EPB41L3: variants seen among roughly 807,000 people sequenced by gnomAD.
EPB41L3 encodes the protein band 4.1-like protein 3.
A neutral mutation model predicts 127.1 loss-of-function variants in EPB41L3; 57 were observed. The ratio of observed to expected loss-of-function variants is 0.45; its 90% CI spans 0.36 to 0.56. The LOEUF (loss-of-function observed/expected upper bound fraction) is 0.56. EPB41L3 is among the 20% of genes least tolerant of loss of function. The pLI, the probability that EPB41L3 is intolerant of heterozygous loss-of-function variation, is 0.00. For synonymous variants in EPB41L3, 572 were observed against 549.5 expected (o/e 1.04, Z -0.57); for missense variants, 1,273 against 1,372.2 (o/e 0.93, Z 1.14).
chr18:5,411,096 C>T lies in EPB41L3; in HGVS notation c.2068-477G>A, dbSNP rs566046572. ...GTAACAGTCACTGGACTTTCAGCCTCTCATTTATACCATTATGATAATTTA... is the reference window on the plus strand; with the variant it reads ...GTAACAGTCACTGGACTTTCAGCCTTTCATTTATACCATTATGATAATTTA... On this transcript the variant is annotated intron_variant, in intron 13 of 22. Coordinates refer to ENST00000341928, the MANE Select transcript of EPB41L3 (RefSeq NM_012307.5). Among the ~76,000 whole-genome samples the T allele has an allele frequency of 1.3e-4, 20 of 152,336 alleles. No homozygotes were observed. In the South Asian group the frequency reaches 3.9e-3, roughly 30 times the overall value.
intron 3 of EPB41L3, among the ~76,000 whole-genome samples, chr18:5,551,788 T>C (rs1006355899): frequency 6.6e-6 from 1 of 152,204 alleles, no homozygotes; most frequent in Non-Finnish European, 1.5e-5. Context: ...TGTGGACTTA[T>C]ACAATTCTCT....
intron 2 of EPB41L3, among the ~76,000 whole-genome samples, chr18:5,484,112 A>AAAAAAAAAAAAAAAAAAAAAAAAC (rs1568375677): frequency 7.2e-6 from 1 of 138,446 alleles, no homozygotes; most frequent in Non-Finnish European, 1.5e-5. Context: ...AAAAAAAAAA[A>AAAAAAAAAAAAAAAAAAAAAAAAC]AAAAAAAAAC....
In EPB41L3 at chr18:5,585,694, A is replaced by G. The variant is rs577284176; in HGVS notation, c.-306+26646T>C. Among the ~76,000 whole-genome samples, 5 of 152,296 alleles carry G rather than the reference A, an allele frequency of 3.3e-5. 1 individual carries two copies. The Middle Eastern group carries it at 0.01, about 311-fold the overall frequency. The stretch of plus-strand genomic sequence containing the variant: ...GATCTATCTCCTACCTTTCTTTGCT[A>G]GGCACTGTGCTATGGAGTTAGGGGG... On this transcript the variant is annotated intron_variant, in intron 3 of 21. Transcript: ENST00000545076.
intron 3 of EPB41L3, among the ~76,000 whole-genome samples, chr18:5,457,998 T>C (rs1034279862): frequency 2.0e-5 from 3 of 152,204 alleles, no homozygotes; most frequent in African/African-American, 7.2e-5. Context: ...CTCACCACTG[T>C]ATTCTTACAG....
chr18:5,411,406 A>G (rs2076178389), intron 13 of EPB41L3, among the ~76,000 whole-genome samples: 1 of 152,234 alleles, frequency 6.6e-6, no homozygotes, highest in African/African-American at 2.4e-5. Context: ...AGAAAGAGAA[A>G]GAGAGAAACA....
chr18:5,604,651 A>G (rs2094629079), intron 3 of EPB41L3, among the ~76,000 whole-genome samples: 2 of 152,060 alleles, frequency 1.3e-5, no homozygotes, highest in South Asian at 4.1e-4. Context: ...AAGGGGTTTC[A>G]CCATGTTGGC....
intron 13 of EPB41L3, among the ~76,000 whole-genome samples, chr18:5,412,369 G>A (rs1430809424): frequency 1.3e-5 from 2 of 151,996 alleles, no homozygotes; most frequent in African/African-American, 2.4e-5. Flanking sequence ...GGGACTATAG[G>A]TGCATGCCAC....
intron 3 of EPB41L3, among the ~76,000 whole-genome samples, chr18:5,552,488 G>A (rs1446915014): frequency 1.3e-5 from 2 of 152,158 alleles, no homozygotes; most frequent in Admixed American, 6.5e-5. Flanking sequence ...ACTTTTTGAT[G>A]AAACAGATAA....
intron 8 of EPB41L3, among the ~76,000 whole-genome samples, chr18:5,432,796 C>T (rs1045620497): frequency 6.6e-6 from 1 of 152,188 alleles, no homozygotes; most frequent in Non-Finnish European, 1.5e-5. Context: ...AACATTTCAT[C>T]GATCACCAGT....
chr18:5,563,471 T>A (rs2094159348), intron 3 of EPB41L3, among the ~76,000 whole-genome samples: 1 of 152,202 alleles, frequency 6.6e-6, no homozygotes, highest in South Asian at 2.1e-4. Context: ...GTTATTATCA[T>A]TATTATATGA....
intron 3 of EPB41L3, among the ~76,000 whole-genome samples, chr18:5,447,668 C>T (rs2081692300): frequency 1.3e-5 from 2 of 152,102 alleles, no homozygotes; most frequent in Admixed American, 6.5e-5. Flanking sequence ...TCTGAATATG[C>T]TGCAGGCGCC....
At chr18:5,455,469 C>T (rs1382624130) in intron 3 of EPB41L3, among the ~76,000 whole-genome samples, 1 of 152,054 alleles carries the variant, frequency 6.6e-6, no homozygotes, top group Admixed American at 6.5e-5. Flanking sequence ...CATTGTAAGC[C>T]ATATAGCAAT....
At chr18:5,411,730 C>T (rs1286020012) in intron 13 of EPB41L3, among the ~76,000 whole-genome samples, 2 of 151,946 alleles carry the variant, frequency 1.3e-5, no homozygotes, top group African/African-American at 4.9e-5. Context: ...AAATAACCTC[C>T]CACTACAAAG....
intron 1 of EPB41L3, among the ~76,000 whole-genome samples, chr18:5,506,982 G>A (rs1007333462): frequency 6.6e-6 from 1 of 152,170 alleles, no homozygotes; most frequent in African/African-American, 2.4e-5. Context: ...AGTGAAAAGT[G>A]CATAGTCACT....
intron 3 of EPB41L3, among the ~76,000 whole-genome samples, chr18:5,463,104 C>G (rs1037140371): frequency 6.6e-6 from 1 of 152,188 alleles, no homozygotes; most frequent in Non-Finnish European, 1.5e-5. Context: ...AATCTACTCT[C>G]TTCTCTCTAC....
At chr18:5,411,774 G>A (rs2076228065) in intron 13 of EPB41L3, among the ~76,000 whole-genome samples, 1 of 152,152 alleles carries the variant, frequency 6.6e-6, no homozygotes, top group South Asian at 2.1e-4. Flanking sequence ...AACTGGGACA[G>A]TGTTGTTTCC....
Position 5,478,330 on chromosome 18 carries a change from G to A in EPB41L3, c.292C>T (p.Arg98Trp), listed in dbSNP as rs2087670784. Residue 98 changes from arginine to tryptophan, a missense_variant, in exon 3 of 23, where the codon CGG becomes TGG. This residue lies in a region of EPB41L3 where 182 missense variants were observed against 149.2 expected (regional missense o/e 1.22). Coordinates refer to ENST00000341928, the MANE Select transcript of EPB41L3 (RefSeq NM_012307.5). ...TTTTTGACAATCTTTAATGGAGACC[G>A]AGAGAGTTTACTGCTAGATGATTTC... ...SQKSSSSKLSRSPLKIVKKPK... is the reference protein window; with the variant it reads ...SQKSSSSKLSWSPLKIVKKPK... The A allele has an allele frequency of 1.9e-6, 3 of 1,614,050 alleles. No homozygotes were observed. The highest frequency in any genetic ancestry group is 2.2e-5 in the South Asian group (2 of 91,068).
chr18:5,442,526 T>C (rs936050094), intron 5 of EPB41L3, among the ~76,000 whole-genome samples: 1 of 152,202 alleles, frequency 6.6e-6, no homozygotes, highest in Non-Finnish European at 1.5e-5. Flanking sequence ...GGGTATTATT[T>C]TGATAGCTCA....
intron 9 of EPB41L3, among the ~76,000 whole-genome samples, chr18:5,427,777 G>A (rs2078408101): frequency 1.3e-5 from 2 of 151,522 alleles, no homozygotes; most frequent in African/African-American, 2.4e-5. Context: ...ACGGAGTCTC[G>A]CTCTGTTGCT....
Sources: gnomAD v4.1 joint callset for allele counts (sites outside exome capture counted in the v4.1 genomes callset) on GRCh38, gnomAD v4.1.1 for gene constraint, gnomAD v4.1.1 regional missense constraint, MANE v1.5 for transcripts, NCBI Gene and HGNC (gene_info 2026-07-23, HGNC 2026-07-21) for gene names.